The following SLC9D1 variants were observed in gnomAD, a reference collection of about 807,000 sequenced individuals.
The protein encoded by SLC9D1 is solute carrier family 9 member D1.
the SLC9D1 span, among the ~76,000 whole-genome samples, chr13:113,513,896 T>G: frequency 6.6e-6 from 1 of 152,080 alleles, no homozygotes; most frequent in Non-Finnish European, 1.5e-5. Flanking sequence ...CCGCCAGCTC[T>G]CAAGACTGAG....
chr13:113,536,784 G>A, the SLC9D1 span, among the ~76,000 whole-genome samples: 2 of 152,184 alleles, frequency 1.3e-5, no homozygotes, highest in African/African-American at 4.8e-5. Context: ...GCCCATTCTC[G>A]TGTTTCTGGA....
chr13:113,547,319 G>A, the SLC9D1 span: 15 of 1,614,064 alleles, frequency 9.3e-6, no homozygotes, highest in Admixed American at 8.3e-5. Flanking sequence ...TGTTCCCCAC[G>A]TTTGTGGCGT....
the SLC9D1 span, among the ~76,000 whole-genome samples, chr13:113,531,477 A>G: frequency 6.7e-6 from 1 of 150,082 alleles, no homozygotes; most frequent in African/African-American, 2.5e-5. Context: ...GTACATACAG[A>G]TCAAGAGCAG....
At chr13:113,549,237 C>A in the SLC9D1 span, among the ~76,000 whole-genome samples, 1 of 151,606 alleles carries the variant, frequency 6.6e-6, no homozygotes, top group African/African-American at 2.4e-5. Context: ...GGCATGACCG[C>A]GCTTAGCTTC....
the SLC9D1 span, chr13:113,527,244 C>T: frequency 6.6e-6 from 1 of 152,238 alleles, no homozygotes; most frequent in Non-Finnish European, 1.5e-5. Flanking sequence ...CTCTTCTTCT[C>T]ATACCTGTTT....
At chr13:113,546,093 G>A in the SLC9D1 span, among the ~76,000 whole-genome samples, 3 of 152,110 alleles carry the variant, frequency 2.0e-5, no homozygotes, top group African/African-American at 7.2e-5. This position sits in a 1 kb window ranked among gnomAD's most constrained non-coding sequence, Gnocchi z 7.1. Context: ...GGGAGAGGTG[G>A]GAGCGTCCCC....
the SLC9D1 span, chr13:113,547,495 A>C: frequency 1.3e-6 from 1 of 783,868 alleles, no homozygotes; most frequent in African/African-American, 1.8e-5. Flanking sequence ...CCTGCTCCTC[A>C]TCTCGGAGGA....
At chr13:113,523,198 C>T in the SLC9D1 span, among the ~76,000 whole-genome samples, 3 of 149,834 alleles carry the variant, frequency 2.0e-5, no homozygotes, top group African/African-American at 7.3e-5. Flanking sequence ...GTGTTCCTTT[C>T]TTTTTATTTT....
chr13:113,511,654 T>A, the SLC9D1 span: 1 of 152,118 alleles, frequency 6.6e-6, no homozygotes, highest in African/African-American at 2.4e-5. Flanking sequence ...GGTCCTAGGG[T>A]CAGCCCCATC....
At chr13:113,512,064 A>AGT in the SLC9D1 span, 136 of 123,810 alleles carry the variant, frequency 1.1e-3, 1 homozygote, top group African/African-American at 4.6e-3. Flanking sequence ...GGAGAGGGTC[A>AGT]GTATATATAT....
chr13:113,524,029 G>T, the SLC9D1 span: 1 of 445,330 alleles, frequency 2.2e-6, no homozygotes, highest in Non-Finnish European at 4.5e-6. Flanking sequence ...TTTATGGCCA[G>T]TGATACTGTC....
the SLC9D1 span, among the ~76,000 whole-genome samples, chr13:113,513,948 C>T: frequency 0.019 from 2,901 of 152,126 alleles, 58 homozygotes; most frequent in Non-Finnish European, 0.027. Context: ...GAGATGGAGC[C>T]GGGGGGTCGG....
chr13:113,508,338 G>A, the SLC9D1 span, among the ~76,000 whole-genome samples: 1 of 152,252 alleles, frequency 6.6e-6, no homozygotes, highest in African/African-American at 2.4e-5. Flanking sequence ...CAGAATTAGA[G>A]CTGGCTAACA....
the SLC9D1 span, chr13:113,549,627 C>A: frequency 1.3e-6 from 2 of 1,536,564 alleles, no homozygotes; most frequent in South Asian, 1.1e-5. Context: ...GGGAAGCTCG[C>A]ACCTTGGCAA....
chr13:113,524,548 C>A, the SLC9D1 span, among the ~76,000 whole-genome samples: 210 of 152,196 alleles, frequency 1.4e-3, 2 homozygotes, highest in African/African-American at 4.9e-3. Flanking sequence ...GTTGGCCGGG[C>A]CAGTCTCAAA....
the SLC9D1 span, among the ~76,000 whole-genome samples, chr13:113,500,733 T>C: frequency 6.6e-6 from 1 of 152,122 alleles, no homozygotes; most frequent in Non-Finnish European, 1.5e-5. Context: ...AGATCTGATA[T>C]ACTGTCAGGT....
chr13:113,524,802 A>G, the SLC9D1 span, among the ~76,000 whole-genome samples: 4 of 152,028 alleles, frequency 2.6e-5, no homozygotes, highest in East Asian at 1.9e-4. Flanking sequence ...TGTGGAGAAC[A>G]TATTGTTGGA....
At chr13:113,522,306 A>C in the SLC9D1 span, among the ~76,000 whole-genome samples, 926 of 152,308 alleles carry the variant, frequency 6.1e-3, 9 homozygotes, top group Middle Eastern at 0.017. Flanking sequence ...TTTCTAAACC[A>C]ATTGATATGA....
the SLC9D1 span, among the ~76,000 whole-genome samples, chr13:113,518,916 C>A: frequency 6.6e-6 from 1 of 152,180 alleles, no homozygotes; most frequent in Non-Finnish European, 1.5e-5. Context: ...CCTTCTAAAA[C>A]AATTACCTGA....
Sources: gnomAD v4.1 joint callset for allele counts (sites outside exome capture counted in the v4.1 genomes callset) on GRCh38, gnomAD v4.1.1 for gene constraint, Gnocchi (gnomAD v3.1) non-coding constraint, MANE v1.5 for transcripts, NCBI Gene and HGNC (gene_info 2026-07-23, HGNC 2026-07-21) for gene names.